The following FOXP1 variants were observed in gnomAD, a reference collection of about 807,000 sequenced individuals.
FOXP1 encodes the protein forkhead box P1.
A neutral mutation model predicts 98.2 loss-of-function variants in FOXP1; 15 were observed. The observed-to-expected ratio is 0.15, with a 90% confidence interval of 0.10 to 0.24. The LOEUF (loss-of-function observed/expected upper bound fraction) is 0.24. Among genes scored for constraint, FOXP1 ranks in the 10% least tolerant of loss-of-function variants. The pLI is 1.00. For synonymous variants in FOXP1, 371 were observed against 314.5 expected, an observed-to-expected ratio of 1.18 and a Z score of -1.90; for missense variants, 633 against 848.5, an observed-to-expected ratio of 0.75 and a Z score of 3.15.
chr3:71,127,831 C>A (rs1190274232), intron 6 of FOXP1, among the ~76,000 whole-genome samples: 1 of 152,202 alleles, frequency 6.6e-6, no homozygotes, highest in Non-Finnish European at 1.5e-5. Flanking sequence ...TTGATTTCTA[C>A]AGACAAAGGG....
At chr3:71,260,108 G>A (rs2568838) in intron 5 of FOXP1, among the ~76,000 whole-genome samples, 4 of 151,864 alleles carry the variant, frequency 2.6e-5, no homozygotes, top group African/African-American at 9.7e-5. Flanking sequence ...CTCAGCCTCC[G>A]GAGTAGCTGG....
chr3:70,979,777 T>C (rs1247206969), intron 14 of FOXP1, among the ~76,000 whole-genome samples: 1 of 114,988 alleles, frequency 8.7e-6, no homozygotes, highest in Non-Finnish European at 2.1e-5. Context: ...CACACTCTAG[T>C]TAAAAAAAAA....
chr3:71,455,872 G>A (rs192571229), intron 3 of FOXP1, among the ~76,000 whole-genome samples: 16 of 152,246 alleles, frequency 1.1e-4, no homozygotes, highest in Admixed American at 4.6e-4. Context: ...CAGATCTGCG[G>A]GAATATGCAA....
At chr3:70,960,370 T>C (rs1262636898) in intron 20 of FOXP1, among the ~76,000 whole-genome samples, 1 of 152,112 alleles carries the variant, frequency 6.6e-6, no homozygotes, top group Non-Finnish European at 1.5e-5. Flanking sequence ...ATGAGCGTGG[T>C]TGCGATGAGG....
At chr3:71,130,923 C>T in intron 6 of FOXP1, 1 of 1,307,784 alleles carries the variant, frequency 7.6e-7, no homozygotes, top group East Asian at 2.9e-5. Flanking sequence ...CGCAGTGCGC[C>T]CTGGCTAGAC....
chr3:71,437,483 C>T (rs1042016786), intron 3 of FOXP1, among the ~76,000 whole-genome samples: 2 of 152,058 alleles, frequency 1.3e-5, no homozygotes, highest in African/African-American at 4.8e-5. Context: ...TACAAGAAGC[C>T]AACAGCCATT....
chr3:71,237,234 A>AAAAAAAAAAAC, intron 5 of FOXP1, among the ~76,000 whole-genome samples: 1 of 73,076 alleles, frequency 1.4e-5, no homozygotes, highest in African/African-American at 5.0e-5. Context: ...TCCATCTGAA[A>AAAAAAAAAAAC]AAAAAAAAAA....
chr3:71,385,544 AG>A (rs1283430007), intron 3 of FOXP1, among the ~76,000 whole-genome samples: 2 of 152,158 alleles, frequency 1.3e-5, no homozygotes, highest in African/African-American at 4.8e-5. Flanking sequence ...GAGGTGGGAA[AG>A]GCTCCCAAGA....
At chr3:71,283,511 T>C (rs1412335590) in intron 5 of FOXP1, among the ~76,000 whole-genome samples, 1 of 152,164 alleles carries the variant, frequency 6.6e-6, no homozygotes, top group African/African-American at 2.4e-5. Context: ...TACATGACGG[T>C]GTGTCCTCCA....
intron 13 of FOXP1, among the ~76,000 whole-genome samples, chr3:70,997,517 C>A (rs947897283): frequency 6.6e-6 from 1 of 152,162 alleles, no homozygotes; most frequent in Non-Finnish European, 1.5e-5. Flanking sequence ...TGTCTCAGGG[C>A]AAGGGTTCTT....
chr3:71,032,586 A>T (rs1349082580), intron 11 of FOXP1, among the ~76,000 whole-genome samples: 1 of 152,236 alleles, frequency 6.6e-6, no homozygotes, highest in East Asian at 1.9e-4. Context: ...TGCTGTACAT[A>T]TCTAACGCAC....
intron 3 of FOXP1, among the ~76,000 whole-genome samples, chr3:71,391,837 G>GCT (rs1033051123): frequency 6.6e-6 from 1 of 152,144 alleles, no homozygotes; most frequent in Non-Finnish European, 1.5e-5. Flanking sequence ...GGGATCTGCT[G>GCT]CTCTCTCTCT....
At chr3:71,081,577 C>T (rs942873582) in intron 7 of FOXP1, among the ~76,000 whole-genome samples, 1 of 152,128 alleles carries the variant, frequency 6.6e-6, no homozygotes, top group African/African-American at 2.4e-5. Flanking sequence ...TGAGGAACCA[C>T]AAAACTAAAA....
At chr3:71,551,479 A>G (rs2045773224) in intron 2 of FOXP1, among the ~76,000 whole-genome samples, 1 of 152,216 alleles carries the variant, frequency 6.6e-6, no homozygotes. Context: ...AAACCAAAGT[A>G]ATAAATGTGG....
chr3:71,236,859 C>T (rs111422520), intron 5 of FOXP1, among the ~76,000 whole-genome samples: 2,382 of 147,796 alleles, frequency 0.016, 19 homozygotes, highest in African/African-American at 0.017. Flanking sequence ...AGTGACACAG[C>T]GAGATCCTGT....
chr3:70,977,594 T>C lies in FOXP1; in HGVS notation c.1428+49A>G, dbSNP rs761573151. 2.1e-6 allele frequency: 3 copies of C among 1,407,218 alleles called. No homozygotes were observed. In the Admixed American group the frequency reaches 5.0e-5, roughly 24 times the overall value. The allele number at this position is 1,407,218 out of a possible 1,614,324, so 87.2% of individuals were successfully genotyped here. A position where few individuals can be genotyped will look rare whatever the true frequency, so the allele number is the denominator to read the frequency against. On this transcript the variant is annotated intron_variant, in intron 16 of 20. Coordinates refer to ENST00000649528, the MANE Select transcript of FOXP1 (RefSeq NM_001349338.3). ...TCTACTTCATCAATATATATCCATG[T>C]ACACATATACCTTCTGACAGAATTT... is the stretch of plus-strand genomic sequence containing the variant.
At chr3:71,426,029 C>A (rs2084124202) in intron 3 of FOXP1, among the ~76,000 whole-genome samples, 1 of 152,148 alleles carries the variant, frequency 6.6e-6, no homozygotes, top group Non-Finnish European at 1.5e-5. Flanking sequence ...CTGAAAATAC[C>A]CTAGCATCAG....
intron 5 of FOXP1, among the ~76,000 whole-genome samples, chr3:71,238,267 A>T (rs1380973251): frequency 6.6e-6 from 1 of 152,222 alleles, no homozygotes; most frequent in East Asian, 1.9e-4. Context: ...AAGTTATTCA[A>T]TCCGAGTGAA....
chr3:71,461,662 G>C (rs1352391989), intron 3 of FOXP1, among the ~76,000 whole-genome samples: 1 of 151,994 alleles, frequency 6.6e-6, no homozygotes, highest in Non-Finnish European at 1.5e-5. Flanking sequence ...TTAGCAGGGC[G>C]TGGTGACAGG....
Sources: gnomAD v4.1 joint callset for allele counts (sites outside exome capture counted in the v4.1 genomes callset) on GRCh38, gnomAD v4.1.1 for gene constraint, MANE v1.5 for transcripts, NCBI Gene and HGNC (gene_info 2026-07-23, HGNC 2026-07-21) for gene names.